The following SHISA9 variants were observed in gnomAD, a reference collection of about 807,000 sequenced individuals.
The protein encoded by SHISA9 is protein shisa-9.
Under a neutral mutation model 38.0 loss-of-function variants are expected in SHISA9, and 13 were observed. The ratio of observed to expected loss-of-function variants is 0.34; its 90% confidence interval spans 0.22 to 0.54. SHISA9 has a LOEUF of 0.54. SHISA9 is among the 20% of genes least tolerant of loss of function. The pLI is 0.91. For synonymous variants in SHISA9, 275 were observed against 242.0 expected (o/e 1.14, Z -1.27); for missense variants, 538 against 575.8 (o/e 0.93, Z 0.67).
chr16:13,298,268 C>A, the SHISA9 span, among the ~76,000 whole-genome samples: 1 of 152,068 alleles, frequency 6.6e-6, no homozygotes, highest in African/African-American at 2.4e-5. Flanking sequence ...CTTTATAGAG[C>A]CTACTAAGCT....
In SHISA9 at chr16:13,238,913, T is replaced by C. The variant is rs1464096884; in HGVS notation, c.*3504T>C. Reference sequence around the variant, plus strand: ...GGTTAGTTACATATGTATACACGTGTCATGCTGGTGTGCTGCACCCATTAA... The same window carrying C: ...GGTTAGTTACATATGTATACACGTGCCATGCTGGTGTGCTGCACCCATTAA... On this transcript the variant is annotated 3_prime_UTR_variant, in exon 5 of 5. Transcript: ENST00000558583. 1 of 150,460 alleles carries C rather than the reference T, an allele frequency of 6.6e-6. No individual in the cohort carries two copies. Among genetic ancestry groups the C allele is most frequent in the Non-Finnish European group, 1.5e-5 (1 of 67,692 alleles). 9.3% of individuals were successfully genotyped at this position (150,460 alleles called of 1,614,324 possible).
chr16:13,448,251 C>T, the SHISA9 span, among the ~76,000 whole-genome samples: 9 of 152,142 alleles, frequency 5.9e-5, no homozygotes, highest in Admixed American at 4.6e-4. Context: ...GCACATGTAC[C>T]CTGGTCTTTT....
At chr16:13,520,431 C>G in the SHISA9 span, among the ~76,000 whole-genome samples, 1 of 151,246 alleles carries the variant, frequency 6.6e-6, no homozygotes, top group South Asian at 2.1e-4. Context: ...AACCCCATCT[C>G]TACTAAAAAT....
chr16:13,128,301 G>A (rs2050278403), intron 2 of SHISA9, among the ~76,000 whole-genome samples: 1 of 152,156 alleles, frequency 6.6e-6, no homozygotes, highest in Non-Finnish European at 1.5e-5. Flanking sequence ...AATTCTATGT[G>A]CATTGTCTAA....
chr16:13,058,325 G>A (rs1273464280), intron 2 of SHISA9, among the ~76,000 whole-genome samples: 1 of 151,954 alleles, frequency 6.6e-6, no homozygotes, highest in Admixed American at 6.6e-5. Flanking sequence ...TCTTAGCATT[G>A]GCTGAAATTG....
At chr16:13,426,792 T>C in the SHISA9 span, among the ~76,000 whole-genome samples, 1 of 152,178 alleles carries the variant, frequency 6.6e-6, no homozygotes, top group African/African-American at 2.4e-5. Flanking sequence ...CATCCTCACC[T>C]CGCAGTGTGG....
At chr16:13,165,812 G>A (rs1434799859) in intron 2 of SHISA9, among the ~76,000 whole-genome samples, 2 of 152,078 alleles carry the variant, frequency 1.3e-5, no homozygotes, top group African/African-American at 4.8e-5. Flanking sequence ...GGGGTTTATC[G>A]AGCACTTAAA....
At chr16:13,198,457 C>T (rs2050971638) in intron 2 of SHISA9, among the ~76,000 whole-genome samples, 1 of 152,122 alleles carries the variant, frequency 6.6e-6, no homozygotes, top group South Asian at 2.1e-4. Context: ...CATATTTCTT[C>T]TCTCAACTTG....
downstream of SHISA9, among the ~76,000 whole-genome samples, chr16:13,242,768 C>T (rs79937592): frequency 4.6e-3 from 697 of 152,260 alleles, 5 homozygotes; most frequent in African/African-American, 0.016. Context: ...CTGATCACCA[C>T]GAAATGGGTA....
chr16:13,396,649 T>A, the SHISA9 span, among the ~76,000 whole-genome samples: 4 of 152,336 alleles, frequency 2.6e-5, no homozygotes, highest in Admixed American at 2.0e-4. Flanking sequence ...ATTGTATTCC[T>A]TATTAATCAT....
chr16:12,911,172 C>T, intron 1 of SHISA9: 3 of 809,746 alleles, frequency 3.7e-6, no homozygotes, highest in Non-Finnish European at 4.5e-6. Context: ...CTTCTGGGAG[C>T]TTGGGCACGA....
chr16:13,147,461 C>CTTTT (rs55972023), intron 2 of SHISA9, among the ~76,000 whole-genome samples: 13 of 65,062 alleles, frequency 2.0e-4, no homozygotes, highest in African/African-American at 2.8e-4. Context: ...GTAAACTGAG[C>CTTTT]TTTTTTTTTT....
the SHISA9 span, among the ~76,000 whole-genome samples, chr16:13,310,302 C>CT: frequency 0.022 from 3,352 of 149,622 alleles, 51 homozygotes; most frequent in Middle Eastern, 0.045. Context: ...TAAAAAGCTG[C>CT]TTTTTTTTTT....
At chr16:13,284,640 C>T in the SHISA9 span, among the ~76,000 whole-genome samples, 1 of 152,136 alleles carries the variant, frequency 6.6e-6, no homozygotes, top group African/African-American at 2.4e-5. Context: ...CTCTGTCACC[C>T]AGGCTCGAAT....
rs1405742695 is a variant in SHISA9 at position 13,142,875 on chromosome 16, A to G, written c.692-60519A>G. Among the ~76,000 whole-genome samples the G allele has an allele frequency of 2.0e-5, 3 of 152,220 alleles. No homozygotes were observed. The East Asian group carries it at 5.8e-4, about 29-fold the overall frequency. On this transcript the variant is annotated intron_variant, in intron 2 of 4. Coordinates refer to ENST00000558583, the MANE Select transcript of SHISA9 (RefSeq NM_001145204.3). ...GCTATAGAGACTGTAACAGAGCTAT[A>G]TGGCCCTTCCTAATTTCCTTTTTTA...
intron 2 of SHISA9, among the ~76,000 whole-genome samples, chr16:13,028,091 A>T (rs546383674): frequency 5.5e-4 from 83 of 152,026 alleles, no homozygotes; most frequent in Non-Finnish European, 6.8e-4. Flanking sequence ...ATGTGAAACA[A>T]CCTTCTCAGG....
At chr16:13,219,698 A>G (rs1416585074) in intron 4 of SHISA9, among the ~76,000 whole-genome samples, 1 of 152,122 alleles carries the variant, frequency 6.6e-6, no homozygotes, top group Non-Finnish European at 1.5e-5. Flanking sequence ...ATGGATTAGG[A>G]ATAGGAGAGA....
the SHISA9 span, among the ~76,000 whole-genome samples, chr16:13,418,326 A>G: frequency 2.6e-5 from 4 of 152,220 alleles, no homozygotes; most frequent in Non-Finnish European, 5.9e-5. Flanking sequence ...CAGGAATTTG[A>G]AAGCCCATGT....
chr16:13,507,008 A>C, the SHISA9 span, among the ~76,000 whole-genome samples: 6 of 152,088 alleles, frequency 3.9e-5, no homozygotes, highest in East Asian at 1.2e-3. Flanking sequence ...GTACCACTGC[A>C]CTCCCTGCTG....
Sources: allele counts gnomAD v4.1 joint callset (sites outside exome capture counted in the v4.1 genomes callset), GRCh38; gene constraint gnomAD v4.1.1; transcripts MANE v1.5; gene names NCBI Gene and HGNC (gene_info 2026-07-23, HGNC 2026-07-21).